Variants in ST6GALNAC2 observed in about 807,000 individuals in gnomAD.
ST6GALNAC2 encodes alpha-N-acetylgalactosaminide alpha-2,6-sialyltransferase 2.
Under a neutral mutation model 38.7 loss-of-function variants are expected in ST6GALNAC2, and 42 were observed. That is an observed-to-expected ratio of 1.09 (90% confidence interval 0.85 to 1.40). ST6GALNAC2 has a LOEUF of 1.40. Among genes scored for constraint, ST6GALNAC2 ranks in the 40% most tolerant of loss-of-function variants. ST6GALNAC2 has a pLI of 0.00. For synonymous variants in ST6GALNAC2, 233 were observed against 209.0 expected (o/e 1.11, Z -0.99); for missense variants, 506 against 481.7 (o/e 1.05, Z -0.47).
intron 2 of ST6GALNAC2, among the ~76,000 whole-genome samples, chr17:76,576,807 C>T (rs867161793): frequency 6.6e-6 from 1 of 151,846 alleles, no homozygotes; most frequent in Non-Finnish European, 1.5e-5. Context: ...CCTGTCTGTA[C>T]TAAAAATACA....
rs764425214 is a variant in ST6GALNAC2 at position 76,585,743 on chromosome 17, G to A, written c.66C>T (p.Leu22=). Residue 22 remains leucine (L), a synonymous_variant, in exon 1 of 9, where the codon CTC becomes CTT. Coordinates refer to ENST00000225276, the MANE Select transcript of ST6GALNAC2 (RefSeq NM_006456.3). ...CCGCCGAGAAGTACAGGGCAAAGAGGAGCCCCGAGCAGGCAGCCGTGAGCA... is the reference window on the plus strand; with the variant it reads ...CCGCCGAGAAGTACAGGGCAAAGAGAAGCCCCGAGCAGGCAGCCGTGAGCA... The part of the protein sequence containing the change: ...LLLLTAACSG[L]LFALYFSAVQ... 2.6e-6 allele frequency: 4 copies of A among 1,547,814 alleles called. No individual in the cohort carries two copies. The highest frequency in any genetic ancestry group is 1.7e-6 in the Non-Finnish European group (2 of 1,149,038).
At chr17:76,582,338 A>ATT (rs71158026) in intron 1 of ST6GALNAC2, among the ~76,000 whole-genome samples, 4 of 115,350 alleles carry the variant, frequency 3.5e-5, no homozygotes, top group East Asian at 2.5e-4. Flanking sequence ...ATGCCTGGCT[A>ATT]TTTTTTTTTT....
intron 2 of ST6GALNAC2, among the ~76,000 whole-genome samples, chr17:76,575,580 A>G (rs537912643): frequency 1.4e-4 from 22 of 152,246 alleles, no homozygotes; most frequent in Non-Finnish European, 2.8e-4. Context: ...TGGCCCTGCC[A>G]GCACCTTGAT....
chr17:76,575,554 GCCTTCGGAGGGAGCGTGGC>G (rs2075406476), intron 2 of ST6GALNAC2, among the ~76,000 whole-genome samples: 1 of 152,248 alleles, frequency 6.6e-6, no homozygotes, highest in Admixed American at 6.5e-5. Flanking sequence ...CTTTCTTCGA[GCCTTCGGAGGGAGCGTGGC>G]CCTGCCAGCA....
chr17:76,569,954 AC>A (rs1598246645), intron 6 of ST6GALNAC2: 1 of 184,844 alleles, frequency 5.4e-6, no homozygotes. Flanking sequence ...TTGTCTCAGA[AC>A]CCCCGGGAGG....
chr17:76,572,015 G>T (rs953770230), intron 5 of ST6GALNAC2, among the ~76,000 whole-genome samples: 2 of 152,082 alleles, frequency 1.3e-5, no homozygotes, highest in African/African-American at 4.8e-5. Flanking sequence ...GCCAGTGTGG[G>T]GAAATGGAAA....
intron 8 of ST6GALNAC2, among the ~76,000 whole-genome samples, 170 bp from the exon 9 acceptor site, chr17:76,566,441 G>A (rs759452856): frequency 6.6e-6 from 1 of 152,166 alleles, no homozygotes; most frequent in African/African-American, 2.4e-5. Flanking sequence ...GTGACTCACT[G>A]TGTCCCCACT....
chr17:76,585,723 G>A lies in ST6GALNAC2; in HGVS notation c.86C>T (p.Ser29Leu). 1.9e-6 allele frequency: 3 copies of A among 1,539,310 alleles called. No homozygotes were observed. The highest frequency in any genetic ancestry group is 2.5e-5 in the East Asian group (1 of 40,118). Residue 29 changes from serine (S) to leucine (L), a missense_variant, in exon 1 of 9, where the codon TCG (serine) becomes TTG (leucine). Transcript: ENST00000225276. ...TGGCCCCGGGTACCGCTGCACCGCC[G>A]AGAAGTACAGGGCAAAGAGGAGCCC... The part of the protein sequence containing the change: ...CSGLLFALYF[S>L]AVQRYPGPAA...
At position 76,570,598 on chromosome 17, in the gene ST6GALNAC2, A is replaced by G; in HGVS notation, c.740T>C (p.Val247Ala). Residue 247 changes from valine (V) to alanine (A), a missense_variant, in exon 6 of 9, where the codon GTG becomes GCG. By Grantham distance (64) the Val-to-Ala change is moderately conservative (BLOSUM62 0). Coordinates refer to ENST00000225276, the MANE Select transcript of ST6GALNAC2 (RefSeq NM_006456.3). Reference sequence around the variant, plus strand: ...TTTATCTAGGCCCTCAGGGACAGGCACGCCCAGAATGGCCGATCTCAGCAT... The same window carrying G: ...TTTATCTAGGCCCTCAGGGACAGGCGCGCCCAGAATGGCCGATCTCAGCAT... The part of the protein sequence containing the change: ...YVMLRSAILG[V>A]PVPEGLDKGD... The G allele has an allele frequency of 6.2e-7, 1 of 1,613,054 alleles. No individual in the cohort carries two copies. The highest frequency in any genetic ancestry group is 8.5e-7 in the Non-Finnish European group (1 of 1,179,692).
chr17:76,566,547 C>T (rs1204065895), intron 8 of ST6GALNAC2, among the ~76,000 whole-genome samples: 1 of 152,092 alleles, frequency 6.6e-6, no homozygotes, highest in Non-Finnish European at 1.5e-5. Flanking sequence ...GGACTGCAGT[C>T]AAGACACTCC....
At chr17:76,575,960 G>A (rs1306197143) in intron 2 of ST6GALNAC2, among the ~76,000 whole-genome samples, 1 of 152,256 alleles carries the variant, frequency 6.6e-6, no homozygotes, top group Non-Finnish European at 1.5e-5. Flanking sequence ...TGATCATGGG[G>A]TAGCTGGGCA....
intron 1 of ST6GALNAC2, among the ~76,000 whole-genome samples, chr17:76,584,965 C>T (rs2075527005): frequency 6.6e-6 from 1 of 152,258 alleles, no homozygotes; most frequent in African/African-American, 2.4e-5. Flanking sequence ...GGAACCACCA[C>T]CTGCTAGAGG....
intron 2 of ST6GALNAC2, among the ~76,000 whole-genome samples, chr17:76,575,500 CA>C (rs773875168): frequency 5.9e-5 from 9 of 152,154 alleles, no homozygotes; most frequent in African/African-American, 9.7e-5. Flanking sequence ...CACCATAAGC[CA>C]AAGAGCAGTG....
chr17:76,583,844 T>A (rs1304270891), intron 1 of ST6GALNAC2, among the ~76,000 whole-genome samples: 1 of 149,476 alleles, frequency 6.7e-6, no homozygotes, highest in East Asian at 2.0e-4. Context: ...AGTCTCGCTC[T>A]GTCACCAGGC....
In ST6GALNAC2 at chr17:76,585,680, C is replaced by T; in HGVS notation, c.125+4G>A. 1 of 1,524,382 alleles carries T rather than the reference C, an allele frequency of 6.6e-7. No homozygotes were observed. Among genetic ancestry groups the T allele is most frequent in the Non-Finnish European group, 8.8e-7 (1 of 1,140,788 alleles). The allele number at this position is 1,524,382 out of a possible 1,614,324, so 94.4% of individuals were successfully genotyped here. On this transcript the variant is annotated splice_donor_region_variant and intron_variant, in intron 1 of 8. Transcript: ENST00000225276. Reference sequence around the variant, plus strand: ...CCTCCCGCTCTGCGCTCGGCAGCCCCTACCTGGCTCCGGCCGCTGGCCCCG... The same window carrying T: ...CCTCCCGCTCTGCGCTCGGCAGCCCTTACCTGGCTCCGGCCGCTGGCCCCG...
Position 76,573,596 on chromosome 17 carries a change from C to A in ST6GALNAC2, c.362-233G>T, listed in dbSNP as rs1328328023. ...TGTCTTAAGAACTTGAATACCTTAT[C>A]TTCTTAAGACTGGTGCTAGAGAAGT... On this transcript the variant is annotated intron_variant, in intron 3 of 8. Transcript: ENST00000225276. This position sits in a 1 kb window ranked among gnomAD's most constrained non-coding sequence, Gnocchi z 5.1. 2.6e-5 allele frequency among the ~76,000 whole-genome samples: 4 copies of A among 152,122 alleles called. No individual in the cohort carries two copies. The highest frequency in any genetic ancestry group is 9.7e-5 in the African/African-American group (4 of 41,420).
rs1482324200 is a variant in ST6GALNAC2 at position 76,572,704 on chromosome 17, A to C, written c.602T>G (p.Val201Gly). 6.2e-7 allele frequency: 1 copy of C among 1,614,156 alleles called. No homozygotes were observed. Among genetic ancestry groups the C allele is most frequent in the Admixed American group, 1.7e-5 (1 of 60,024 alleles). Residue 201 changes from valine (V) to glycine (G), a missense_variant, in exon 5 of 9, where the codon GTG becomes GGG. By Grantham distance (109) the Val-to-Gly change is moderately radical. Transcript: ENST00000225276. ...GTKTSFYGFT[V>G]NTMKNSLVSY... ...GACGAGGGAGTTCTTCATCGTGTTC[A>C]CAGTGAAACCATAGAAGGAAGTCTT...
In ST6GALNAC2 at chr17:76,568,747, G is replaced by A. The variant is rs972977191; in HGVS notation, c.823C>T (p.Leu275=). The A allele has an allele frequency of 1.2e-6, 2 of 1,613,754 alleles. No homozygotes were observed. Among genetic ancestry groups the A allele is most frequent in the Admixed American group, 3.3e-5 (2 of 60,002 alleles). Residue 275 remains leucine (L), a synonymous_variant, in exon 7 of 9, where the codon CTA becomes TTA. Transcript: ENST00000225276. ...AGGTAGCTGATGAAGTCCGGATGTA[G>A]CAGCTTGAATTTACTGGCAGAGGCT... ...PEASASKFKL[L]HPDFISYLTE... is the part of the protein sequence containing the mutation.
chr17:76,573,389 A>C lies in ST6GALNAC2; in HGVS notation c.362-26T>G, dbSNP rs745707780. On this transcript the variant is annotated intron_variant, in intron 3 of 8. Transcript: ENST00000225276. The surrounding 1 kb of genome is among the most constrained non-coding windows in gnomAD (Gnocchi z 5.1). ...CTGTGGGTGCAGATGGGGAGCAGCCATGAGGAGGGCTGGCATCGGGGGCAC... is the reference window on the plus strand; with the variant it reads ...CTGTGGGTGCAGATGGGGAGCAGCCCTGAGGAGGGCTGGCATCGGGGGCAC... 19 of 1,495,624 alleles carry C rather than the reference A, an allele frequency of 1.3e-5. No homozygotes were observed. The highest frequency in any genetic ancestry group is 1.0e-4 in the South Asian group (8 of 77,374). 92.6% of individuals were successfully genotyped at this position (1,495,624 alleles called of 1,614,324 possible).
Sources: allele counts gnomAD v4.1 joint callset (sites outside exome capture counted in the v4.1 genomes callset), GRCh38; gene constraint gnomAD v4.1.1; non-coding constraint Gnocchi (gnomAD v3.1); transcripts MANE v1.5; gene names NCBI Gene and HGNC (gene_info 2026-07-23, HGNC 2026-07-21).